CADPS2: variants seen among roughly 807,000 people sequenced by gnomAD.
CADPS2 encodes calcium dependent secretion activator 2.
A neutral mutation model predicts 172.5 loss-of-function variants in CADPS2; 93 were observed. The observed-to-expected ratio is 0.54, with a 90% confidence interval of 0.46 to 0.64. CADPS2 has a LOEUF of 0.64. Among genes scored for constraint, CADPS2 ranks in the 30% least tolerant of loss-of-function variants. The pLI is 0.00. For synonymous variants in CADPS2, 546 were observed against 555.2 expected, an observed-to-expected ratio of 0.98 and a Z score of 0.23; for missense variants, 1,420 against 1,565.9, an observed-to-expected ratio of 0.91 and a Z score of 1.57.
chr7:122,362,296 G>A (rs1338921202), intron 25 of CADPS2, among the ~76,000 whole-genome samples: 5 of 152,088 alleles, frequency 3.3e-5, no homozygotes, highest in Non-Finnish European at 1.5e-5. Flanking sequence ...GATACACACT[G>A]CAGAGTACAA....
chr7:122,371,581 T>C (rs1349084114), intron 25 of CADPS2, among the ~76,000 whole-genome samples: 5 of 152,060 alleles, frequency 3.3e-5, no homozygotes, highest in African/African-American at 9.7e-5. Flanking sequence ...TAATTCAAGA[T>C]GAGATTTTGG....
At chr7:122,352,933 G>A (rs1240245096) in intron 27 of CADPS2, among the ~76,000 whole-genome samples, 2 of 152,196 alleles carry the variant, frequency 1.3e-5, no homozygotes, top group Non-Finnish European at 2.9e-5. Context: ...TAAGTAGTGA[G>A]CAGGAACTAG....
At chr7:122,762,868 G>C (rs976648507) in intron 1 of CADPS2, among the ~76,000 whole-genome samples, 1 of 152,020 alleles carries the variant, frequency 6.6e-6, no homozygotes, top group Non-Finnish European at 1.5e-5. Context: ...TGAAGCTACA[G>C]AGAATATGTT....
chr7:122,734,903 T>A (rs2092033978), intron 2 of CADPS2, among the ~76,000 whole-genome samples: 2 of 152,010 alleles, frequency 1.3e-5, no homozygotes, highest in Admixed American at 6.6e-5. Flanking sequence ...TAGCTGGAAA[T>A]ACGAACAGAA....
intron 28 of CADPS2, among the ~76,000 whole-genome samples, chr7:122,342,133 T>A (rs2036868776): frequency 6.6e-6 from 1 of 152,164 alleles, no homozygotes; most frequent in African/African-American, 2.4e-5. Flanking sequence ...ACCTTTAAGG[T>A]AATGCAGATT....
intron 2 of CADPS2, among the ~76,000 whole-genome samples, chr7:122,716,155 A>G (rs1417323438): frequency 6.6e-6 from 1 of 152,132 alleles, no homozygotes. Flanking sequence ...TAAAATATTA[A>G]TTTTTTAAAA....
chr7:122,362,462 T>TTTGAGGGAATTCAAACCCTCAAAATGAG (rs546865104), intron 25 of CADPS2, among the ~76,000 whole-genome samples: 149 of 152,274 alleles, frequency 9.8e-4, no homozygotes, highest in African/African-American at 3.3e-3. Flanking sequence ...GTCTCAAAAG[T>TTTGAGGGAATTCAAACCCTCAAAATGAG]GGTTTACATT....
chr7:122,457,995 CTGGTGG>C (rs1207012771), intron 14 of CADPS2, among the ~76,000 whole-genome samples: 6 of 152,178 alleles, frequency 3.9e-5, no homozygotes, highest in Admixed American at 1.3e-4. Flanking sequence ...TCCTGGAAAT[CTGGTGG>C]TTTGTTGTAA....
chr7:122,844,588 T>C (rs1490385115), intron 1 of CADPS2, among the ~76,000 whole-genome samples: 1 of 152,238 alleles, frequency 6.6e-6, no homozygotes, highest in African/African-American at 2.4e-5. Context: ...GGCACTCAAA[T>C]ATTAGCACAG....
At chr7:122,760,345 T>C (rs1047413790) in intron 1 of CADPS2, among the ~76,000 whole-genome samples, 7 of 152,138 alleles carry the variant, frequency 4.6e-5, no homozygotes, top group Non-Finnish European at 8.8e-5. Context: ...AATTCATTTT[T>C]CATGTTTAGC....
chr7:122,879,782 G>T (rs1008745105), intron 1 of CADPS2, among the ~76,000 whole-genome samples: 1 of 152,078 alleles, frequency 6.6e-6, no homozygotes, highest in South Asian at 2.1e-4. Context: ...CTACAAAGTG[G>T]TATAAAAGTT....
At chr7:122,388,804 G>GT in intron 22 of CADPS2, 66 bp from the exon 23 acceptor site, 2 of 1,362,150 alleles carry the variant, frequency 1.5e-6, no homozygotes, top group African/African-American at 1.4e-5. Flanking sequence ...TTAATACATT[G>GT]TTTTTTCTTT....
intron 3 of CADPS2, among the ~76,000 whole-genome samples, chr7:122,631,266 A>G (rs745354021): frequency 6.6e-6 from 1 of 152,220 alleles, no homozygotes; most frequent in Non-Finnish European, 1.5e-5. Flanking sequence ...CACAGCTTCA[A>G]CAAAAAATAG....
intron 1 of CADPS2, among the ~76,000 whole-genome samples, chr7:122,793,535 T>C (rs1187930572): frequency 2.6e-5 from 4 of 152,214 alleles, no homozygotes; most frequent in Non-Finnish European, 5.9e-5. Flanking sequence ...GCATGTGAGA[T>C]GGGTCCCTTA....
chr7:122,581,581 C>T (rs2068824037), intron 6 of CADPS2, among the ~76,000 whole-genome samples: 1 of 152,058 alleles, frequency 6.6e-6, no homozygotes, highest in African/African-American at 2.4e-5. Flanking sequence ...CTATTGAAAT[C>T]TATTACTTTA....
At chr7:122,507,249 A>T (rs2059676755) in intron 9 of CADPS2, among the ~76,000 whole-genome samples, 1 of 152,144 alleles carries the variant, frequency 6.6e-6, no homozygotes, top group Non-Finnish European at 1.5e-5. Flanking sequence ...CTAAATGGAC[A>T]TGAAGGAATG....
chr7:122,426,396 A>G (rs1177890618), intron 17 of CADPS2, among the ~76,000 whole-genome samples: 3 of 152,210 alleles, frequency 2.0e-5, no homozygotes, highest in Non-Finnish European at 4.4e-5. Context: ...ATGTGTGTGC[A>G]TGCATTGATG....
chr7:122,530,163 C>G (rs539156613), intron 8 of CADPS2, among the ~76,000 whole-genome samples: 1 of 152,132 alleles, frequency 6.6e-6, no homozygotes, highest in Admixed American at 6.5e-5. Flanking sequence ...GACTTTCAGA[C>G]AGATGAACAC....
At chr7:122,691,437 A>G (rs2080045) in intron 2 of CADPS2, among the ~76,000 whole-genome samples, 101,959 of 152,098 alleles carry the variant, frequency 0.67, 34,981 homozygotes, top group Middle Eastern at 0.84. Context: ...GGTCACATGC[A>G]CATTCAGTTT....
Sources: allele counts gnomAD v4.1 joint callset (sites outside exome capture counted in the v4.1 genomes callset), GRCh38; gene constraint gnomAD v4.1.1; transcripts MANE v1.5; gene names NCBI Gene and HGNC (gene_info 2026-07-23, HGNC 2026-07-21).